UBE2E2: variants seen among roughly 807,000 people sequenced by gnomAD.
UBE2E2 encodes ubiquitin-conjugating enzyme E2 E2.
Under a neutral mutation model 24.7 loss-of-function variants are expected in UBE2E2, and 6 were observed. The observed-to-expected ratio is 0.24, with a 90% CI of 0.13 to 0.48. The LOEUF is 0.48. Among genes scored for constraint, UBE2E2 ranks in the 20% least tolerant of loss-of-function variants. UBE2E2 has a pLI of 0.99. For synonymous variants in UBE2E2, 104 were observed against 83.6 expected (o/e 1.24, Z -1.33); for missense variants, 169 against 245.0 (o/e 0.69, Z 2.07).
intron 3 of UBE2E2, among the ~76,000 whole-genome samples, chr3:23,361,767 C>T (rs1051657568): frequency 6.6e-6 from 1 of 152,058 alleles, no homozygotes; most frequent in South Asian, 2.1e-4. Context: ...CACTAAGGAA[C>T]TTATCCATGT....
At chr3:23,304,834 T>C (rs1213229447) in intron 3 of UBE2E2, among the ~76,000 whole-genome samples, 1 of 152,038 alleles carries the variant, frequency 6.6e-6, no homozygotes, top group Non-Finnish European at 1.5e-5. Context: ...ATGCATACAT[T>C]TATTCACTTA....
At chr3:23,279,363 C>T (rs1420467517) in intron 3 of UBE2E2, among the ~76,000 whole-genome samples, 2 of 152,108 alleles carry the variant, frequency 1.3e-5, no homozygotes, top group African/African-American at 2.4e-5. Context: ...TGAAAGCACA[C>T]GCTTGGCTGA....
chr3:23,530,801 A>G (rs1575688559), intron 4 of UBE2E2, among the ~76,000 whole-genome samples: 2 of 152,072 alleles, frequency 1.3e-5, no homozygotes, highest in African/African-American at 4.8e-5. Context: ...TTCTTTTTCC[A>G]TGAGGGCATC....
chr3:23,225,399 G>A (rs1696792423), intron 3 of UBE2E2, among the ~76,000 whole-genome samples: 1 of 152,100 alleles, frequency 6.6e-6, no homozygotes. Flanking sequence ...ATTTACATCT[G>A]TATTTTTTCC....
At chr3:23,255,079 C>CTTTTTTTTTTTTTT (rs202015038) in intron 3 of UBE2E2, among the ~76,000 whole-genome samples, 1 of 85,950 alleles carries the variant, frequency 1.2e-5, no homozygotes, top group African/African-American at 5.2e-5. Context: ...GAGTAACTTC[C>CTTTTTTTTTTTTTT]TTTTTTTTTT....
chr3:23,486,575 C>A (rs748635139), intron 3 of UBE2E2, among the ~76,000 whole-genome samples: 3 of 152,114 alleles, frequency 2.0e-5, no homozygotes, highest in African/African-American at 4.8e-5. Context: ...CTGACCTGAC[C>A]CCACCACTGC....
At chr3:23,357,383 G>A (rs188057425) in intron 3 of UBE2E2, among the ~76,000 whole-genome samples, 116 of 152,206 alleles carry the variant, frequency 7.6e-4, no homozygotes, top group Admixed American at 7.3e-3. Flanking sequence ...GAGGATGCCA[G>A]TGCCTGGAGA....
chr3:23,510,613 A>C, intron 4 of UBE2E2, among the ~76,000 whole-genome samples: 1 of 152,186 alleles, frequency 6.6e-6, no homozygotes, highest in Non-Finnish European at 1.5e-5. Flanking sequence ...TCAAAAAAAA[A>C]AATAAGATAA....
intron 3 of UBE2E2, among the ~76,000 whole-genome samples, chr3:23,458,552 G>A (rs1698735124): frequency 6.6e-6 from 1 of 152,036 alleles, no homozygotes; most frequent in South Asian, 2.1e-4. Context: ...CGAGTAGCTG[G>A]GACCACAGGC....
At chr3:23,571,136 CTA>C (rs948996818) in intron 5 of UBE2E2, among the ~76,000 whole-genome samples, 5 of 151,852 alleles carry the variant, frequency 3.3e-5, no homozygotes, top group South Asian at 2.1e-4. Context: ...TAAGTATTTT[CTA>C]TGTTTGTTTT....
At chr3:23,499,559 A>G in intron 3 of UBE2E2, 49 bp from the exon 4 acceptor site, 1 of 1,572,782 alleles carries the variant, frequency 6.4e-7, no homozygotes, top group Non-Finnish European at 8.6e-7. Context: ...GTTAAATTCC[A>G]GCCTTTATGT....
chr3:23,579,205 A>G lies in UBE2E2; in HGVS notation c.509-10529A>G, dbSNP rs575712371. On this transcript the variant is annotated intron_variant, in intron 5 of 5. Coordinates refer to ENST00000396703, the MANE Select transcript of UBE2E2 (RefSeq NM_152653.4). ...CAGGAGATCGAGACCTTCCTGGCTA[A>G]CATGGTGAAACCCCGTAAAAATACA... is the stretch of plus-strand genomic sequence containing the variant. Among the ~76,000 whole-genome samples, 14 of 152,186 alleles carry G rather than the reference A, an allele frequency of 9.2e-5. No homozygotes were observed. In the South Asian group the frequency reaches 2.5e-3, roughly 27 times the overall value.
intron 4 of UBE2E2, among the ~76,000 whole-genome samples, chr3:23,512,922 A>G (rs1351531331): frequency 1.3e-5 from 2 of 152,022 alleles, no homozygotes; most frequent in African/African-American, 2.4e-5. Context: ...GACCTTGACC[A>G]TACATACATA....
At chr3:23,356,847 CTG>C (rs1246722496) in intron 3 of UBE2E2, among the ~76,000 whole-genome samples, 1 of 152,208 alleles carries the variant, frequency 6.6e-6, no homozygotes, top group Non-Finnish European at 1.5e-5. Context: ...TATGGACAAA[CTG>C]TCTTCTGAAA....
At chr3:23,564,737 G>A (rs769202919) in intron 5 of UBE2E2, among the ~76,000 whole-genome samples, 5 of 152,268 alleles carry the variant, frequency 3.3e-5, no homozygotes, top group Non-Finnish European at 7.4e-5. Context: ...TTACTGGTCT[G>A]CGCGGTCACA....
chr3:23,331,865 T>G (rs1181425704), intron 3 of UBE2E2, among the ~76,000 whole-genome samples: 1 of 152,210 alleles, frequency 6.6e-6, no homozygotes, highest in East Asian at 1.9e-4. Context: ...TAAAGGAACA[T>G]TTGGTCATTT....
chr3:23,214,246 A>G (rs893508301), intron 2 of UBE2E2, among the ~76,000 whole-genome samples: 2 of 152,044 alleles, frequency 1.3e-5, no homozygotes, highest in African/African-American at 4.8e-5. Flanking sequence ...ATGACAGAAA[A>G]TTATGATTTA....
rs571688252 is a variant in UBE2E2 at position 23,453,198 on chromosome 3, A to G, written c.228-46410A>G. On this transcript the variant is annotated intron_variant, in intron 3 of 5. Transcript: ENST00000396703. ...AGAGTATCCTAATGGTTTAATATAT[A>G]CCATTTTAAATATGTCAGTTAAATC... Among the ~76,000 whole-genome samples the G allele has an allele frequency of 9.2e-5, 14 of 152,300 alleles. No homozygotes were observed. In the South Asian group the frequency reaches 2.9e-3, roughly 32 times the overall value.
At chr3:23,345,702 A>G (rs1409170406) in intron 3 of UBE2E2, among the ~76,000 whole-genome samples, 1 of 152,246 alleles carries the variant, frequency 6.6e-6, no homozygotes, top group African/African-American at 2.4e-5. Flanking sequence ...GAAGCACTAA[A>G]TAGATAAATT....
Sources: allele counts gnomAD v4.1 joint callset (sites outside exome capture counted in the v4.1 genomes callset), GRCh38; gene constraint gnomAD v4.1.1; transcripts MANE v1.5; gene names NCBI Gene and HGNC (gene_info 2026-07-23, HGNC 2026-07-21).